DAB1: variants seen among roughly 807,000 people sequenced by gnomAD.
DAB1 encodes DAB adaptor protein 1, also known as disabled homolog 1.
DAB1 carries 15 observed loss-of-function variants against 64.6 expected under a neutral mutation model. The ratio of observed to expected loss-of-function variants is 0.23; its 90% CI spans 0.16 to 0.36. The LOEUF (loss-of-function observed/expected upper bound fraction) is 0.36. Among genes scored for constraint, DAB1 ranks in the 10% least tolerant of loss-of-function variants. The pLI is 1.00. For synonymous variants in DAB1, 235 were observed against 251.9 expected (o/e 0.93, Z 0.64); for missense variants, 596 against 706.7 (o/e 0.84, Z 1.78).
intron 4 of DAB1, among the ~76,000 whole-genome samples, chr1:57,132,926 T>C (rs144565752): frequency 6.6e-6 from 1 of 152,292 alleles, no homozygotes; most frequent in East Asian, 1.9e-4. Context: ...AAATCATTTA[T>C]AAAATTTGGT....
chr1:58,544,334 C>T (rs1417979431), intron 1 of DAB1, among the ~76,000 whole-genome samples: 3 of 152,046 alleles, frequency 2.0e-5, no homozygotes, highest in Non-Finnish European at 4.4e-5. Context: ...GCTAGAGATA[C>T]TGCAGAGAAC....
chr1:58,275,102 T>G (rs1401863992), intron 4 of DAB1, among the ~76,000 whole-genome samples: 2 of 152,188 alleles, frequency 1.3e-5, no homozygotes, highest in African/African-American at 4.8e-5. Context: ...TTTCCACCAA[T>G]GATGCTGGGA....
intron 2 of DAB1, among the ~76,000 whole-genome samples, chr1:57,240,595 C>G (rs965907620): frequency 6.6e-6 from 1 of 152,156 alleles, no homozygotes; most frequent in African/African-American, 2.4e-5. Context: ...CATGCAAACT[C>G]AAACTCAGGT....
intron 3 of DAB1, among the ~76,000 whole-genome samples, chr1:58,446,903 G>A (rs706448): frequency 0.16 from 24,868 of 152,132 alleles, 2,290 homozygotes; most frequent in East Asian, 0.29. Context: ...GCTTGTTTCC[G>A]AAATACTCCT....
At chr1:57,694,654 G>T (rs373323220) in intron 6 of DAB1, among the ~76,000 whole-genome samples, 149 of 152,172 alleles carry the variant, frequency 9.8e-4, no homozygotes, top group African/African-American at 3.5e-3. Flanking sequence ...ATTTTTTAAT[G>T]ATGTATGTGT....
intron 3 of DAB1, among the ~76,000 whole-genome samples, chr1:58,458,622 G>A (rs1462972672): frequency 6.6e-6 from 1 of 152,182 alleles, no homozygotes; most frequent in Non-Finnish European, 1.5e-5. Flanking sequence ...TGGCCAACAT[G>A]GCAAGACCCC....
In DAB1 at chr1:57,281,058, G is replaced by A. The variant is rs867714444; in HGVS notation, c.67+9906C>T. ...CCAGGGGACTCAGGTGAGATTTTTC[G>A]TGGCCGTAAGTTCATTCATTTACTC... is the stretch of plus-strand genomic sequence containing the variant. On this transcript the variant is annotated intron_variant, in intron 2 of 14. Transcript: ENST00000371236. Among the ~76,000 whole-genome samples the A allele has an allele frequency of 7.9e-5, 12 of 152,092 alleles. No individual in the cohort carries two copies. In the South Asian group the frequency reaches 8.3e-4, roughly 11 times the overall value.
intron 2 of DAB1, among the ~76,000 whole-genome samples, chr1:57,165,984 C>A (rs1661181955): frequency 6.6e-6 from 1 of 152,158 alleles, no homozygotes; most frequent in Non-Finnish European, 1.5e-5. Flanking sequence ...AATCAGGCAG[C>A]ATTTCAGTGG....
intron 10 of DAB1, among the ~76,000 whole-genome samples, chr1:57,024,292 C>T (rs1056489979): frequency 6.6e-6 from 1 of 151,948 alleles, no homozygotes; most frequent in Non-Finnish European, 1.5e-5. Flanking sequence ...TTCTACAGGG[C>T]CTAGTCGGTG....
intron 2 of DAB1, among the ~76,000 whole-genome samples, chr1:57,237,292 C>G (rs1226147551): frequency 1.3e-5 from 2 of 152,164 alleles, no homozygotes; most frequent in African/African-American, 4.8e-5. Flanking sequence ...GACAACCTGT[C>G]CCCATGGGGA....
chr1:57,741,571 C>A (rs908108139), intron 6 of DAB1, among the ~76,000 whole-genome samples: 1 of 152,172 alleles, frequency 6.6e-6, no homozygotes, highest in Non-Finnish European at 1.5e-5. Context: ...CCAGTTGGGA[C>A]CATTTACTGA....
intron 1 of DAB1, among the ~76,000 whole-genome samples, chr1:57,397,066 G>A (rs17838097): frequency 0.11 from 16,531 of 152,162 alleles, 986 homozygotes; most frequent in Admixed American, 0.13. Flanking sequence ...ATGAGAATTA[G>A]AAGGACCCTT....
chr1:58,500,300 C>T (rs1216765326), intron 3 of DAB1, among the ~76,000 whole-genome samples: 2 of 152,110 alleles, frequency 1.3e-5, no homozygotes, highest in East Asian at 1.9e-4. Context: ...CCTCAACACT[C>T]TCTATGTCAG....
intron 10 of DAB1, among the ~76,000 whole-genome samples, 196 bp downstream of exon 10, chr1:57,025,785 C>T (rs1191590584): frequency 6.6e-6 from 1 of 152,242 alleles, no homozygotes; most frequent in East Asian, 1.9e-4. Context: ...ATATATCATA[C>T]TTCCCCTTTA....
At position 56,995,980 on chromosome 1, in the gene DAB1, G is replaced by A. The variant is rs772810323; in HGVS notation, c.*2164C>T. 6.6e-6 allele frequency: 1 copy of A among 151,924 alleles called. No homozygotes were observed. Among genetic ancestry groups the A allele is most frequent in the Non-Finnish European group, 1.5e-5 (1 of 67,998 alleles). The allele number at this position is 151,924 out of a possible 1,614,324, so 9.4% of individuals were successfully genotyped here. ...GCCCTTCTCACTTTTCTGGTTCTTC[G>A]GACCTTCCACATTAGGATGATATTG... is the stretch of plus-strand genomic sequence containing the variant. On this transcript the variant is annotated 3_prime_UTR_variant, in exon 15 of 15. Transcript: ENST00000371236.
rs1272551703 is a variant in DAB1 at position 57,836,852 on chromosome 1, A to G, written n.88-10397T>C. 2.0e-5 allele frequency among the ~76,000 whole-genome samples: 3 copies of G among 152,204 alleles called. No homozygotes were observed. The East Asian group carries it at 5.8e-4, about 29-fold the overall frequency. ...AAATATGCCCTGATCTGTGGCATAC[A>G]GTCTTTTCATTCATTCAACAAACCG... On this transcript the variant is annotated intron_variant and non_coding_transcript_variant, in intron 1 of 1. Coordinates refer to the DAB1 transcript ENST00000477280.
chr1:56,999,342 A>G (rs1645756109), intron 14 of DAB1, among the ~76,000 whole-genome samples: 1 of 152,208 alleles, frequency 6.6e-6, no homozygotes, highest in African/African-American at 2.4e-5. Context: ...AGACATGAGA[A>G]CTGAAAACAG....
chr1:57,683,409 A>G (rs566920772), intron 6 of DAB1, among the ~76,000 whole-genome samples: 2 of 152,320 alleles, frequency 1.3e-5, no homozygotes, highest in Admixed American at 1.3e-4. Context: ...TCCACCACAC[A>G]GCACACCTGT....
chr1:58,085,138 T>C (rs964789431), intron 5 of DAB1, among the ~76,000 whole-genome samples: 1 of 152,200 alleles, frequency 6.6e-6, no homozygotes, highest in African/African-American at 2.4e-5. Context: ...CTTGTGACAT[T>C]GTCTCTTACT....
Sources: allele counts gnomAD v4.1 joint callset (sites outside exome capture counted in the v4.1 genomes callset), GRCh38; gene constraint gnomAD v4.1.1; transcripts MANE v1.5; gene names NCBI Gene and HGNC (gene_info 2026-07-23, HGNC 2026-07-21).